The following NLGN1 variants were observed in gnomAD, a reference collection of about 807,000 sequenced individuals.
The protein encoded by NLGN1 is neuroligin-1.
A neutral mutation model predicts 65.5 loss-of-function variants in NLGN1; 12 were observed. The ratio of observed to expected loss-of-function variants is 0.18; its 90% CI spans 0.12 to 0.30. NLGN1 has a LOEUF of 0.30. NLGN1 is among the 10% of genes least tolerant of loss of function. NLGN1 has a pLI of 1.00. For synonymous variants in NLGN1, 350 were observed against 359.5 expected (o/e 0.97, Z 0.30); for missense variants, 750 against 1,007.1 (o/e 0.74, Z 3.46).
At chr3:173,468,697 T>A (rs1724799449) in intron 2 of NLGN1, among the ~76,000 whole-genome samples, 1 of 152,070 alleles carries the variant, frequency 6.6e-6, no homozygotes, top group African/African-American at 2.4e-5. Context: ...CAGGTCTTCT[T>A]TGGAATAAAA....
chr3:173,704,862 C>A (rs2149903218), intron 3 of NLGN1, among the ~76,000 whole-genome samples: 1 of 152,268 alleles, frequency 6.6e-6, no homozygotes, highest in South Asian at 2.1e-4. Flanking sequence ...TTCTGTTTGA[C>A]ATAAATTTAA....
chr3:173,955,557 A>C (rs1262548102), intron 4 of NLGN1, among the ~76,000 whole-genome samples: 3 of 152,198 alleles, frequency 2.0e-5, no homozygotes, highest in Non-Finnish European at 4.4e-5. Flanking sequence ...AGTTTCATGT[A>C]TAGCCAGCTT....
intron 4 of NLGN1, among the ~76,000 whole-genome samples, chr3:173,815,168 C>CT: frequency 6.6e-6 from 1 of 150,690 alleles, no homozygotes. Context: ...GTCACCCAGG[C>CT]TGGAGTGCAG....
chr3:174,005,279 G>T (rs769428172), intron 4 of NLGN1, among the ~76,000 whole-genome samples: 39 of 152,078 alleles, frequency 2.6e-4, no homozygotes, highest in Non-Finnish European at 4.6e-4. Flanking sequence ...AATATCAAAT[G>T]TTTAGTTCCA....
intron 3 of NLGN1, among the ~76,000 whole-genome samples, chr3:173,730,684 T>C (rs1396848159): frequency 6.6e-6 from 1 of 152,088 alleles, no homozygotes; most frequent in East Asian, 1.9e-4. Flanking sequence ...AAGTAATTCA[T>C]ATCTTTTTTT....
At chr3:173,873,732 A>AT (rs1731614401) in intron 4 of NLGN1, among the ~76,000 whole-genome samples, 1 of 152,186 alleles carries the variant, frequency 6.6e-6, no homozygotes, top group Non-Finnish European at 1.5e-5. Context: ...CATTTCGGAT[A>AT]TGGTATTCCT....
intron 2 of NLGN1, among the ~76,000 whole-genome samples, chr3:173,486,041 CTTTATT>C (rs1202875672): frequency 6.6e-6 from 1 of 151,490 alleles, no homozygotes; most frequent in Non-Finnish European, 1.5e-5. Flanking sequence ...TAGTTTCTAA[CTTTATT>C]TTTATTTTTA....
intron 3 of NLGN1, among the ~76,000 whole-genome samples, chr3:173,785,374 A>G (rs1781791403): frequency 6.6e-6 from 1 of 151,980 alleles, no homozygotes; most frequent in Non-Finnish European, 1.5e-5. Context: ...ACATTCCTTA[A>G]TTTTCTTAAA....
chr3:173,483,521 G>A (rs1727649220), intron 2 of NLGN1, among the ~76,000 whole-genome samples: 1 of 151,944 alleles, frequency 6.6e-6, no homozygotes, highest in Non-Finnish European at 1.5e-5. Context: ...CATACCAGAT[G>A]TTATATTTAA....
At chr3:173,934,184 A>G (rs1172550342) in intron 4 of NLGN1, among the ~76,000 whole-genome samples, 1 of 150,386 alleles carries the variant, frequency 6.6e-6, no homozygotes, top group Non-Finnish European at 1.5e-5. Context: ...GGTGTTTTGC[A>G]TTCTGTGGCA....
At chr3:174,139,626 A>G (rs1012471353) in intron 4 of NLGN1, among the ~76,000 whole-genome samples, 1 of 152,108 alleles carries the variant, frequency 6.6e-6, no homozygotes, top group African/African-American at 2.4e-5. Flanking sequence ...TTGGATAAAT[A>G]AAAAGGGGAA....
At chr3:174,181,554 A>G (rs1730420100) in intron 4 of NLGN1, among the ~76,000 whole-genome samples, 2 of 152,200 alleles carry the variant, frequency 1.3e-5, no homozygotes, top group Admixed American at 1.3e-4. Context: ...AACACCTGGA[A>G]GAGAGCCTGC....
At chr3:174,065,855 G>A (rs1267391529) in intron 4 of NLGN1, among the ~76,000 whole-genome samples, 2 of 152,046 alleles carry the variant, frequency 1.3e-5, no homozygotes, top group Non-Finnish European at 2.9e-5. Context: ...ACTAAAGGCA[G>A]TCTCTGACCA....
chr3:173,627,304 T>C (rs188033328), intron 3 of NLGN1, among the ~76,000 whole-genome samples: 1 of 152,278 alleles, frequency 6.6e-6, no homozygotes, highest in African/African-American at 2.4e-5. Context: ...TCACACAGTA[T>C]TTGTCTTTCT....
At chr3:173,945,213 C>T (rs1669797368) in intron 4 of NLGN1, among the ~76,000 whole-genome samples, 1 of 151,886 alleles carries the variant, frequency 6.6e-6, no homozygotes, top group South Asian at 2.1e-4. Flanking sequence ...CCTGGTCTCC[C>T]TTTAGAGGGG....
At chr3:173,428,661 A>T (rs574216819) in intron 1 of NLGN1, among the ~76,000 whole-genome samples, 2 of 152,176 alleles carry the variant, frequency 1.3e-5, no homozygotes, top group African/African-American at 4.8e-5. Context: ...TAGTCCTCAT[A>T]CTAAAGGTAT....
chr3:174,128,159 ACT>A lies in NLGN1; in HGVS notation c.647-147152_647-147151del, dbSNP rs542758334. ...GGAATATGAAATTTTTATTGGAAAC[ACT>A]CTCAATTTTTAATTTTGATAGTCCC... On this transcript the variant is annotated intron_variant, in intron 4 of 6. Transcript: ENST00000457714. 7.2e-5 allele frequency among the ~76,000 whole-genome samples: 11 copies of A among 152,174 alleles called. No individual in the cohort carries two copies. The South Asian group carries it at 2.3e-3, about 32-fold the overall frequency.
intron 4 of NLGN1, among the ~76,000 whole-genome samples, chr3:174,213,287 A>G (rs907084041): frequency 6.6e-6 from 1 of 152,230 alleles, no homozygotes; most frequent in African/African-American, 2.4e-5. Context: ...ATAGTTGTCC[A>G]TAGCCATAGT....
At chr3:174,211,305 C>T (rs1235389334) in intron 4 of NLGN1, among the ~76,000 whole-genome samples, 2 of 152,102 alleles carry the variant, frequency 1.3e-5, no homozygotes, top group South Asian at 2.1e-4. Context: ...TTGGTAGAGC[C>T]GAGTGGCCTG....
Sources: gnomAD v4.1 joint callset for allele counts (sites outside exome capture counted in the v4.1 genomes callset) on GRCh38, gnomAD v4.1.1 for gene constraint, MANE v1.5 for transcripts, NCBI Gene and HGNC (gene_info 2026-07-23, HGNC 2026-07-21) for gene names.